KIF6: variants seen among roughly 807,000 people sequenced by gnomAD.
KIF6 encodes kinesin-like protein KIF6.
In KIF6, 106 loss-of-function variants were observed where a neutral mutation model predicts 112.7. The ratio of observed to expected loss-of-function variants is 0.94; its 90% CI spans 0.80 to 1.11. The LOEUF (loss-of-function observed/expected upper bound fraction) is 1.11, where lower values mean the gene tolerates loss of function less well. KIF6 is among the 50% of genes least tolerant of loss of function. The pLI, the probability that KIF6 is intolerant of heterozygous loss-of-function variation, is 0.00. For missense variants in KIF6, 929 were observed against 964.0 expected, an observed-to-expected ratio of 0.96 and a Z score of 0.48; for synonymous variants, 339 against 339.9, an observed-to-expected ratio of 1.00 and a Z score of 0.03.
At chr6:39,718,178 C>T (rs137973875) in intron 2 of KIF6, among the ~76,000 whole-genome samples, 1,653 of 144,632 alleles carry the variant, frequency 0.011, 25 homozygotes, top group African/African-American at 0.04. Flanking sequence ...TGCAGTGAGC[C>T]GAGATCGCGC....
intron 2 of KIF6, among the ~76,000 whole-genome samples, chr6:39,715,434 T>C (rs1217509238): frequency 6.6e-6 from 1 of 152,000 alleles, no homozygotes; most frequent in Non-Finnish European, 1.5e-5. Flanking sequence ...CTTCTTGCAA[T>C]GCTTCTCTGA....
chr6:39,451,507 T>C (rs1005937910), intron 13 of KIF6, among the ~76,000 whole-genome samples: 7 of 152,196 alleles, frequency 4.6e-5, no homozygotes, highest in Non-Finnish European at 7.4e-5. Flanking sequence ...AGAACTGTTA[T>C]AAAAATGCAC....
chr6:39,637,063 A>G (rs1342666284), intron 4 of KIF6, among the ~76,000 whole-genome samples: 4 of 152,026 alleles, frequency 2.6e-5, no homozygotes, highest in African/African-American at 9.7e-5. Context: ...TATTGTTTTT[A>G]TTATTATTTC....
intron 9 of KIF6, among the ~76,000 whole-genome samples, chr6:39,582,689 A>AATC (rs1452104785): frequency 2.0e-5 from 3 of 152,124 alleles, no homozygotes; most frequent in African/African-American, 4.8e-5. Context: ...TGCTGGGATT[A>AATC]CAGGCGTGAG....
intron 3 of KIF6, among the ~76,000 whole-genome samples, chr6:39,657,125 C>A (rs931740175): frequency 2.6e-5 from 4 of 151,102 alleles, no homozygotes; most frequent in African/African-American, 9.7e-5. Context: ...CCCAGCTACT[C>A]GGGAGGCTGA....
intron 13 of KIF6, among the ~76,000 whole-genome samples, chr6:39,477,889 T>C (rs1012127377): frequency 1.1e-4 from 16 of 151,944 alleles, no homozygotes; most frequent in African/African-American, 3.9e-4. Flanking sequence ...AAATAAAAAA[T>C]AAATTTTATT....
chr6:39,595,946 A>G, intron 7 of KIF6, 108 bp downstream of exon 7: 1 of 794,788 alleles, frequency 1.3e-6, no homozygotes, highest in Non-Finnish European at 2.0e-6. Flanking sequence ...TTTATGTTAT[A>G]TATATTTCAT....
intron 7 of KIF6, among the ~76,000 whole-genome samples, chr6:39,592,588 A>G (rs369681386): frequency 6.6e-6 from 1 of 152,216 alleles, no homozygotes; most frequent in East Asian, 1.9e-4. Flanking sequence ...TTGGGCTGAT[A>G]GAGGCTGTGG....
chr6:39,397,530 TC>T (rs111589993), intron 15 of KIF6, among the ~76,000 whole-genome samples: 16,891 of 152,052 alleles, frequency 0.11, 1,075 homozygotes, highest in East Asian at 0.23. Context: ...GAACATCGTT[TC>T]CCCCTCCCTG....
chr6:39,403,945 C>A (rs1033230460), intron 15 of KIF6, among the ~76,000 whole-genome samples: 3 of 152,146 alleles, frequency 2.0e-5, no homozygotes, highest in Non-Finnish European at 4.4e-5. Context: ...TCTGTACGTC[C>A]TTTTTGGTGA....
In KIF6 at chr6:39,481,328, A is replaced by G. The variant is rs191203892; in HGVS notation, c.1646-50167T>C. The stretch of plus-strand genomic sequence containing the variant: ...AAAACCCTTTACTGTTTATCTCTTT[A>G]TATTGTTCTGGTCTAAGAGGCATGT... On this transcript the variant is annotated intron_variant, in intron 13 of 22. Transcript: ENST00000287152. 6.0e-3 allele frequency among the ~76,000 whole-genome samples: 916 copies of G among 152,278 alleles called. 3 individuals are homozygous for G. Among genetic ancestry groups the G allele is most frequent in the Non-Finnish European group, 0.01 (704 of 67,998 alleles).
chr6:39,725,284 G>C lies in KIF6; in HGVS notation c.27C>G (p.Phe9Leu). The C allele has an allele frequency of 6.2e-7, 1 of 1,611,050 alleles. No individual in the cohort carries two copies. Among genetic ancestry groups the C allele is most frequent in the Non-Finnish European group, 8.5e-7 (1 of 1,178,828 alleles). ...TCCGGACAGGGGGCTTCACCCTCGC[G>C]AATATCTGGATAGTCTGCTTCACCA... is the stretch of plus-strand genomic sequence containing the variant. MVKQTIQI[F>L]ARVKPPVRKH... is the part of the protein sequence containing the mutation. The change falls in exon 1 of 23, where the codon TTC becomes TTG. Residue 9 changes from phenylalanine (F) to leucine (L), a missense_variant. Phe to Leu is a conservative substitution (Grantham distance 22). This residue lies in a region of KIF6 where 688 missense variants were observed against 662.7 expected (regional missense o/e 1.04). Transcript: ENST00000287152.
intron 15 of KIF6, among the ~76,000 whole-genome samples, chr6:39,411,765 A>C (rs1769490126): frequency 6.6e-6 from 1 of 152,202 alleles, no homozygotes; most frequent in African/African-American, 2.4e-5. Flanking sequence ...ATGGGAACCT[A>C]TCTCTCCAAA....
intron 5 of KIF6, among the ~76,000 whole-genome samples, chr6:39,627,640 C>G (rs954889961): frequency 2.0e-5 from 3 of 152,112 alleles, no homozygotes; most frequent in African/African-American, 4.8e-5. Context: ...CATTTGGTGA[C>G]TTTTTCCCCT....
chr6:39,412,868 T>A (rs1247085880), intron 15 of KIF6, among the ~76,000 whole-genome samples: 1 of 152,150 alleles, frequency 6.6e-6, no homozygotes, highest in Non-Finnish European at 1.5e-5. Context: ...GGGGGGCTTA[T>A]CGTGCTGCTG....
intron 6 of KIF6, among the ~76,000 whole-genome samples, chr6:39,599,798 G>A (rs909622800): frequency 2.6e-5 from 4 of 152,108 alleles, no homozygotes; most frequent in Non-Finnish European, 5.9e-5. Context: ...CTTTAGCTTC[G>A]AAACTGATAT....
intron 13 of KIF6, among the ~76,000 whole-genome samples, chr6:39,523,838 G>C (rs1230582102): frequency 2.0e-5 from 3 of 151,664 alleles, no homozygotes; most frequent in Non-Finnish European, 4.4e-5. Flanking sequence ...CTTTGAGATT[G>C]TGAGCCAGTT....
intron 13 of KIF6, among the ~76,000 whole-genome samples, chr6:39,489,703 G>A (rs546385291): frequency 9.2e-4 from 140 of 152,242 alleles, no homozygotes; most frequent in African/African-American, 3.3e-3. Flanking sequence ...TATGTGACAA[G>A]GGGTAGGAGG....
intron 13 of KIF6, among the ~76,000 whole-genome samples, chr6:39,492,831 G>C (rs780813391): frequency 1.3e-5 from 2 of 152,196 alleles, no homozygotes; most frequent in Non-Finnish European, 2.9e-5. Flanking sequence ...CCTTGACCTT[G>C]AGCCTGATGC....
Sources: allele counts gnomAD v4.1 joint callset (sites outside exome capture counted in the v4.1 genomes callset), GRCh38; gene constraint gnomAD v4.1.1; regional missense constraint gnomAD v4.1.1; transcripts MANE v1.5; gene names NCBI Gene and HGNC (gene_info 2026-07-23, HGNC 2026-07-21).